Variants in GLI2 observed in about 807,000 individuals in gnomAD.
The protein encoded by GLI2 is transcription activator GLI2.
Under a neutral mutation model 78.9 loss-of-function variants are expected in GLI2, and 22 were observed. That is an observed-to-expected ratio of 0.28 (90% CI 0.20 to 0.40). The LOEUF is 0.40. Ranked by LOEUF, GLI2 falls within the 10% of genes least tolerant of loss-of-function variation. GLI2 has a pLI of 1.00. For synonymous variants in GLI2, 974 were observed against 963.7 expected, an observed-to-expected ratio of 1.01 and a Z score of -0.20; for missense variants, 2,097 against 2,213.2, an observed-to-expected ratio of 0.95 and a Z score of 1.05.
At chr2:120,876,598 G>A (rs886310083) in intron 2 of GLI2, among the ~76,000 whole-genome samples, 2 of 152,132 alleles carry the variant, frequency 1.3e-5, no homozygotes, top group Middle Eastern at 3.4e-3. Context: ...ATGGCAGAAG[G>A]TGGAGGAGGG....
At chr2:120,930,186 A>C (rs1241503551) in intron 3 of GLI2, among the ~76,000 whole-genome samples, 1 of 152,124 alleles carries the variant, frequency 6.6e-6, no homozygotes, top group African/African-American at 2.4e-5. Flanking sequence ...TATACACCTG[A>C]AGTGTGTAGA....
intron 1 of GLI2, among the ~76,000 whole-genome samples, chr2:120,738,079 A>G (rs982774283): frequency 2.0e-5 from 3 of 152,164 alleles, no homozygotes; most frequent in African/African-American, 7.2e-5. Flanking sequence ...TTTAGGGGGA[A>G]GCTCACGGTG....
At chr2:120,959,462 T>A (rs539654891) in intron 5 of GLI2, among the ~76,000 whole-genome samples, 5 of 152,312 alleles carry the variant, frequency 3.3e-5, no homozygotes, top group African/African-American at 1.2e-4. Flanking sequence ...TCCAGGATTA[T>A]CTCCTATTTT....
intron 8 of GLI2, among the ~76,000 whole-genome samples, chr2:120,973,370 G>A (rs577383336): frequency 1.3e-5 from 2 of 152,208 alleles, no homozygotes; most frequent in Non-Finnish European, 2.9e-5. Context: ...ATGGCCACAC[G>A]CCGGTAGGGC....
At chr2:120,985,327 G>A (rs1259945259) in intron 12 of GLI2, among the ~76,000 whole-genome samples, 1 of 152,210 alleles carries the variant, frequency 6.6e-6, no homozygotes, top group Non-Finnish European at 1.5e-5. Context: ...GCCCAGGCAG[G>A]TGGGCCCGGA....
intron 1 of GLI2, among the ~76,000 whole-genome samples, chr2:120,771,660 C>A (rs903410084): frequency 3.9e-5 from 6 of 152,242 alleles, no homozygotes; most frequent in African/African-American, 1.4e-4. Context: ...CTTAGGGGGC[C>A]TTCTGCCTGT....
At chr2:120,969,852 C>T (rs1304692225) in intron 6 of GLI2, among the ~76,000 whole-genome samples, 1 of 152,226 alleles carries the variant, frequency 6.6e-6, no homozygotes, top group African/African-American at 2.4e-5. Context: ...CTGGAGGAAG[C>T]CACGATGTCT....
At chr2:120,973,198 C>T (rs991267317) in intron 8 of GLI2, among the ~76,000 whole-genome samples, 8 of 152,246 alleles carry the variant, frequency 5.3e-5, no homozygotes, top group African/African-American at 1.9e-4. Context: ...TCTCCCCTTG[C>T]TGACACCAAA....
chr2:120,977,044 G>C lies in GLI2; in HGVS notation c.1318-1390G>C, dbSNP rs372061481. Among the ~76,000 whole-genome samples, 24 of 152,370 alleles carry C rather than the reference G, an allele frequency of 1.6e-4. No individual in the cohort carries two copies. The South Asian group carries it at 4.3e-3, about 28-fold the overall frequency. On this transcript the variant is annotated intron_variant, in intron 9 of 13. Coordinates refer to ENST00000361492, the MANE Select transcript of GLI2 (RefSeq NM_001374353.1). ...ATTTCCCTGGAAGTTCAAAGCGCTG[G>C]AGATTTCACATGCTCCAGCAGGGGC...
chr2:120,961,329 G>A (rs1033432832), intron 5 of GLI2, among the ~76,000 whole-genome samples: 1 of 152,200 alleles, frequency 6.6e-6, no homozygotes, highest in Non-Finnish European at 1.5e-5. Context: ...TGGTAGAGGG[G>A]CTGCCAGAGG....
At chr2:120,838,883 G>T (rs1363772863) in intron 2 of GLI2, among the ~76,000 whole-genome samples, 1 of 152,192 alleles carries the variant, frequency 6.6e-6, no homozygotes, top group East Asian at 1.9e-4. Context: ...GCCTGGGTGT[G>T]TGGTAGGCTA....
chr2:120,857,343 G>T (rs1573489531), intron 2 of GLI2, among the ~76,000 whole-genome samples: 10 of 99,622 alleles, frequency 1.0e-4, no homozygotes, highest in Admixed American at 2.1e-4. Context: ...CTACCCATCT[G>T]CCCACCCACC....
intron 1 of GLI2, among the ~76,000 whole-genome samples, chr2:120,774,100 A>C (rs1354883151): frequency 6.6e-6 from 1 of 152,042 alleles, no homozygotes; most frequent in African/African-American, 2.4e-5. Flanking sequence ...AGGATTTAGA[A>C]GTGCATTGGA....
At chr2:120,799,180 G>A (rs1250503199) in intron 2 of GLI2, among the ~76,000 whole-genome samples, 1 of 152,188 alleles carries the variant, frequency 6.6e-6, no homozygotes, top group Non-Finnish European at 1.5e-5. Flanking sequence ...ATCTGTGGCG[G>A]GAGTAGGGGC....
At chr2:120,763,429 C>T (rs1683275330) in intron 1 of GLI2, among the ~76,000 whole-genome samples, 1 of 152,246 alleles carries the variant, frequency 6.6e-6, no homozygotes, top group South Asian at 2.1e-4. Context: ...CAGAGAAAGC[C>T]TGGGGAAGTG....
chr2:120,813,657 C>A (rs1254595676), intron 2 of GLI2, among the ~76,000 whole-genome samples: 1 of 152,196 alleles, frequency 6.6e-6, no homozygotes, highest in East Asian at 1.9e-4. Flanking sequence ...CCAGGTCCCC[C>A]ACCACCACCC....
rs79721019 is a variant in GLI2 at position 120,912,247 on chromosome 2, G to A, written c.149-15114G>A. Among the ~76,000 whole-genome samples the A allele has an allele frequency of 8.7e-4, 131 of 150,372 alleles. 3 individuals are homozygous for A. In the East Asian group the frequency reaches 0.024, roughly 28 times the overall value. ...TGTCTGCTTTTAATTCACATGCTTA[G>A]CTCATCAAAATATTGTTTTGCAAGA... On this transcript the variant is annotated intron_variant, in intron 2 of 13. Transcript: ENST00000361492.
rs1044177533 is a variant in GLI2 at position 120,771,260 on chromosome 2, T to C, written c.-30-26031T>C. Reference sequence around the variant, plus strand: ...CTGTGTCGCTCAGCCCATTGGCAGGTGTCCAGCACGTGCCGCTTGGGTTCA... The same window carrying C: ...CTGTGTCGCTCAGCCCATTGGCAGGCGTCCAGCACGTGCCGCTTGGGTTCA... On this transcript the variant is annotated intron_variant, in intron 1 of 13. Transcript: ENST00000361492. Among the ~76,000 whole-genome samples, 5 of 152,244 alleles carry C rather than the reference T, an allele frequency of 3.3e-5. No individual in the cohort carries two copies. The East Asian group carries it at 9.7e-4, about 29-fold the overall frequency.
At chr2:120,938,225 A>G (rs1462892395) in intron 3 of GLI2, among the ~76,000 whole-genome samples, 1 of 152,178 alleles carries the variant, frequency 6.6e-6, no homozygotes, top group East Asian at 1.9e-4. Context: ...ACTGCACAGA[A>G]GGAGTAAACC....
Sources: allele counts gnomAD v4.1 joint callset (sites outside exome capture counted in the v4.1 genomes callset), GRCh38; gene constraint gnomAD v4.1.1; transcripts MANE v1.5; gene names NCBI Gene and HGNC (gene_info 2026-07-23, HGNC 2026-07-21).